The following AP3D1 variants were observed in gnomAD, a reference collection of about 807,000 sequenced individuals.
AP3D1 encodes AP-3 complex subunit delta-1.
Under a neutral mutation model 147.6 loss-of-function variants are expected in AP3D1, and 51 were observed. The ratio of observed to expected loss-of-function variants is 0.35; its 90% CI spans 0.28 to 0.44. The LOEUF (loss-of-function observed/expected upper bound fraction) is 0.44. AP3D1 is among the 20% of genes least tolerant of loss of function. The probability of loss-of-function intolerance (pLI) is 1.00; values close to 1 mark genes in which losing one functional copy is unlikely to be tolerated. For missense variants in AP3D1, 1,421 were observed against 1,624.2 expected, an observed-to-expected ratio of 0.87 and a Z score of 2.15; for synonymous variants, 760 against 663.0, an observed-to-expected ratio of 1.15 and a Z score of -2.25.
chr19:2,126,666 AAAAAAG>A (rs1489386332), intron 9 of AP3D1, among the ~76,000 whole-genome samples: 2 of 151,698 alleles, frequency 1.3e-5, no homozygotes, highest in Non-Finnish European at 2.9e-5. Context: ...AAAAAAAAAA[AAAAAAG>A]AAAGAAAAAG....
intron 1 of AP3D1, among the ~76,000 whole-genome samples, chr19:2,149,163 C>T (rs1047373473): frequency 1.3e-5 from 2 of 152,310 alleles, no homozygotes; most frequent in African/African-American, 4.8e-5. Flanking sequence ...TCCCCAGACA[C>T]TGCGTGTCCT....
intron 1 of AP3D1, among the ~76,000 whole-genome samples, chr19:2,157,523 A>T (rs2144600232): frequency 6.7e-6 from 1 of 148,606 alleles, no homozygotes; most frequent in South Asian, 2.2e-4. Flanking sequence ...CCATACAGTA[A>T]CCCATCCATC....
At chr19:2,137,319 T>A (rs145775733) in intron 3 of AP3D1, among the ~76,000 whole-genome samples, 1 of 151,970 alleles carries the variant, frequency 6.6e-6, no homozygotes, top group Non-Finnish European at 1.5e-5. Flanking sequence ...TATGTGTTTT[T>A]TTTTTTTTCT....
At chr19:2,127,262 C>G in intron 8 of AP3D1, 61 bp from the exon 9 acceptor site, 2 of 1,575,844 alleles carry the variant, frequency 1.3e-6, no homozygotes, top group Non-Finnish European at 1.7e-6. Flanking sequence ...ATGCAGTGAC[C>G]CAGTGCCGGC....
intron 1 of AP3D1, among the ~76,000 whole-genome samples, chr19:2,148,141 C>T (rs1190944873): frequency 7.7e-6 from 1 of 129,160 alleles, no homozygotes; most frequent in Non-Finnish European, 1.7e-5. Context: ...AGCAAGACTC[C>T]GTCTCAAAAA....
At chr19:2,119,139 G>C (rs527832205) in intron 14 of AP3D1, among the ~76,000 whole-genome samples, 1 of 152,346 alleles carries the variant, frequency 6.6e-6, no homozygotes, top group East Asian at 1.9e-4. Flanking sequence ...GGATGGGCAG[G>C]GAACAGACGG....
intron 31 of AP3D1, among the ~76,000 whole-genome samples, chr19:2,104,757 C>T (rs1180402148): frequency 2.7e-5 from 4 of 150,408 alleles, no homozygotes; most frequent in Non-Finnish European, 4.4e-5. Context: ...GCCTTAAACT[C>T]CTGGGCTCAA....
chr19:2,164,592 C>G (rs1247793822), upstream of AP3D1: 1 of 214,512 alleles, frequency 4.7e-6, no homozygotes. Context: ...GGAAGCCCGC[C>G]CGCCCGCCCC....
chr19:2,106,557 A>T (rs1193496421), intron 31 of AP3D1, among the ~76,000 whole-genome samples: 1 of 151,282 alleles, frequency 6.6e-6, no homozygotes, highest in African/African-American at 2.4e-5. Flanking sequence ...CAAAACAAAA[A>T]AATAAAAAAA....
chr19:2,135,513 G>A (rs1419408435), intron 4 of AP3D1, among the ~76,000 whole-genome samples: 1 of 152,214 alleles, frequency 6.6e-6, no homozygotes, highest in Non-Finnish European at 1.5e-5. Flanking sequence ...TCCAGCCTGG[G>A]CAATAGAGTG....
chr19:2,115,612 C>T lies in AP3D1; in HGVS notation c.2075G>A (p.Arg692Gln), dbSNP rs867560503. ...YIKSSPSPQK[R>Q]YQDTPGVEHI... ...CTCCACGCCCGGGGTGTCCTGGTACCGCTGCAAAGGCAACACCCAGGCGTT... is the reference window on the plus strand; with the variant it reads ...CTCCACGCCCGGGGTGTCCTGGTACTGCTGCAAAGGCAACACCCAGGCGTT... Residue 692 changes from arginine (R) to glutamine (Q), a missense_variant and splice_region_variant, in exon 19 of 32, where the codon CGG becomes CAG. Arg to Gln is a conservative substitution (Grantham distance 43). This residue lies in a region of AP3D1 where 791 missense variants were observed against 761.4 expected (regional missense o/e 1.04). Transcript: ENST00000643116. 10 of 1,611,936 alleles carry T rather than the reference C, an allele frequency of 6.2e-6. No homozygotes were observed. In the South Asian group the frequency reaches 7.7e-5, roughly 12 times the overall value.
chr19:2,121,934 A>G, intron 11 of AP3D1, 55 bp from the exon 12 acceptor site: 9 of 1,549,804 alleles, frequency 5.8e-6, no homozygotes, highest in Non-Finnish European at 7.8e-6. Context: ...AGCAGGGTGC[A>G]GGCAGGGCCC....
chr19:2,111,504 C>T (rs1329076353), intron 25 of AP3D1, 172 bp from the exon 26 acceptor site: 1 of 1,202,600 alleles, frequency 8.3e-7, no homozygotes, highest in Non-Finnish European at 1.2e-6. Flanking sequence ...CACAGCCCAC[C>T]ACGGGGGTGC....
intron 8 of AP3D1, 33 bp from the exon 9 acceptor site, chr19:2,127,234 G>A (rs994225611): frequency 1.2e-6 from 2 of 1,610,512 alleles, no homozygotes; most frequent in Admixed American, 1.7e-5. Context: ...GCGGCATGAG[G>A]ACTGGGGGCC....
intron 1 of AP3D1, among the ~76,000 whole-genome samples, chr19:2,145,154 C>T (rs778049473): frequency 1.3e-5 from 2 of 152,202 alleles, no homozygotes; most frequent in African/African-American, 4.8e-5. Context: ...CAGGACAGGA[C>T]AAAACACCAG....
Position 2,111,236 on chromosome 19 carries a change from A to C in AP3D1, c.2985+49T>G, listed in dbSNP as rs1366182320. 1.9e-6 allele frequency: 3 copies of C among 1,610,076 alleles called. No individual in the cohort carries two copies. The African/African-American group carries it at 4.0e-5, about 22-fold the overall frequency. On this transcript the variant is annotated intron_variant, in intron 26 of 31. Transcript: ENST00000643116. ...CCCGGGTTCCGCGCGATCCCATGCC[A>C]AAGAGTGTGGGCTGGCCCACCCTGC... is the stretch of plus-strand genomic sequence containing the variant.
rs571723705 is a variant in AP3D1, at chr19:2,109,542, G to T, written c.3350+331C>A. The T allele has an allele frequency of 2.0e-3, 969 of 489,694 alleles. 5 individuals carry two copies. Among genetic ancestry groups the T allele is most frequent in the South Asian group, 3.1e-3 (117 of 37,218 alleles). 30.3% of individuals were successfully genotyped at this position (489,694 alleles called of 1,614,324 possible). On this transcript the variant is annotated intron_variant, in intron 29 of 31. Transcript: ENST00000643116. ...CAGAGGACGGCCTGTGAGGACTCAG[G>T]GGGGAGGGGGTGCCGCACGCCAAGC...
At chr19:2,136,221 G>A (rs2019073939) in intron 4 of AP3D1, among the ~76,000 whole-genome samples, 1 of 152,244 alleles carries the variant, frequency 6.6e-6, no homozygotes, top group Admixed American at 6.5e-5. Flanking sequence ...ACAGTCCCAG[G>A]ACCTGCACCA....
At chr19:2,118,553 A>T (rs775680438) in intron 15 of AP3D1, 48 bp downstream of exon 15, 2 of 1,561,388 alleles carry the variant, frequency 1.3e-6, no homozygotes, top group Non-Finnish European at 1.7e-6. Flanking sequence ...ACAGAAAGGC[A>T]CTGAGGGCTC....
Sources: gnomAD v4.1 joint callset for allele counts (sites outside exome capture counted in the v4.1 genomes callset) on GRCh38, gnomAD v4.1.1 for gene constraint, gnomAD v4.1.1 regional missense constraint, MANE v1.5 for transcripts, NCBI Gene and HGNC (gene_info 2026-07-23, HGNC 2026-07-21) for gene names.